The following CPLX1 variants were observed in gnomAD, a reference collection of about 807,000 sequenced individuals.
CPLX1 encodes complexin 1, also known as complexin-1.
In CPLX1, 6 loss-of-function variants were observed where a neutral mutation model predicts 15.6. The observed-to-expected ratio is 0.39, with a 90% CI of 0.21 to 0.76. CPLX1 has a LOEUF of 0.76. Ranked by LOEUF, CPLX1 falls within the 30% of genes least tolerant of loss-of-function variation. The pLI, the probability that CPLX1 is intolerant of heterozygous loss-of-function variation, is 0.43. For synonymous variants in CPLX1, 91 were observed against 75.2 expected (o/e 1.21, Z -1.08); for missense variants, 242 against 188.6 (o/e 1.28, Z -1.66).
intron 1 of CPLX1, 30 bp from the exon 2 acceptor site, chr4:824,631 C>A: frequency 5.8e-6 from 7 of 1,214,232 alleles, no homozygotes; most frequent in Non-Finnish European, 8.5e-6. Flanking sequence ...TCACAGGTCA[C>A]CCTAAGCAGG....
At chr4:820,238 A>G (rs1576998719) in intron 2 of CPLX1, among the ~76,000 whole-genome samples, 1 of 141,668 alleles carries the variant, frequency 7.1e-6, no homozygotes. Context: ...GTCCTCCCGG[A>G]CCCAGCTCAG....
At position 818,222 on chromosome 4, in the gene CPLX1, G is replaced by A. The variant is rs140513621; in HGVS notation, c.31+6270C>T. ...CCAGCCCTTGGGGAGGGGAGGCACC[G>A]AGGCGCTGGAGAGGTGTTGCAGCAC... On this transcript the variant is annotated intron_variant, in intron 2 of 3. Coordinates refer to ENST00000304062, the MANE Select transcript of CPLX1 (RefSeq NM_006651.4). 7.1e-3 allele frequency among the ~76,000 whole-genome samples: 1,089 copies of A among 152,350 alleles called. 4 individuals are homozygous for A. The highest frequency in any genetic ancestry group is 0.012 in the Non-Finnish European group (794 of 68,020).
intron 2 of CPLX1, among the ~76,000 whole-genome samples, chr4:815,209 A>G (rs570897538): frequency 2.6e-5 from 4 of 152,158 alleles, no homozygotes; most frequent in African/African-American, 9.6e-5. Flanking sequence ...TCAGGAGTTC[A>G]AGACTAGCCT....
intron 1 of CPLX1, among the ~76,000 whole-genome samples, chr4:825,603 G>A (rs904800502): frequency 4.0e-5 from 6 of 151,888 alleles, no homozygotes; most frequent in Non-Finnish European, 7.4e-5. Flanking sequence ...GCCAGGAGAG[G>A]AAAGAAAGAG....
Position 786,692 on chromosome 4 carries a change from T to A in CPLX1, c.214A>T (p.Ile72Phe), listed in dbSNP as rs2152640834. The A allele has an allele frequency of 6.3e-7, 1 of 1,595,170 alleles. No individual in the cohort carries two copies. Among genetic ancestry groups the A allele is most frequent in the African/African-American group, 1.4e-5 (1 of 73,626 alleles). The change falls in exon 4 of 4, where the codon ATC becomes TTC. Residue 72 changes from isoleucine to phenylalanine, a missense_variant. Physicochemically the swap from Ile to Phe is conservative, Grantham distance 21. Transcript: ENST00000304062. ...VRQGIRDKYG[I>F]KKKEEREAEA... ...GCCTCGCGCTCCTCCTTCTTCTTGA[T>A]GCCGTACTGCGGGGGAGGCGGGGGT... is the stretch of plus-strand genomic sequence containing the variant.
chr4:810,051 T>C (rs911069740), intron 2 of CPLX1, among the ~76,000 whole-genome samples: 1 of 146,286 alleles, frequency 6.8e-6, no homozygotes, highest in South Asian at 2.2e-4. Context: ...CACTTTCTTT[T>C]TTTTTTTTTT....
At chr4:804,518 G>A (rs906966002) in intron 2 of CPLX1, among the ~76,000 whole-genome samples, 2 of 151,986 alleles carry the variant, frequency 1.3e-5, no homozygotes, top group African/African-American at 4.8e-5. Flanking sequence ...AAAAATCATG[G>A]ATTTAAATCG....
chr4:807,983 C>T (rs1746589771), intron 2 of CPLX1, among the ~76,000 whole-genome samples: 1 of 152,146 alleles, frequency 6.6e-6, no homozygotes, highest in Non-Finnish European at 1.5e-5. Flanking sequence ...ATAAAAAATC[C>T]TTGGCTGGGT....
intron 2 of CPLX1, among the ~76,000 whole-genome samples, chr4:810,345 G>A (rs935453496): frequency 6.6e-5 from 10 of 152,256 alleles, no homozygotes; most frequent in East Asian, 3.9e-4. Flanking sequence ...CACCACGCCC[G>A]GCCTTGGGTC....
intron 2 of CPLX1, among the ~76,000 whole-genome samples, chr4:812,964 TG>T (rs1030919862): frequency 1.3e-5 from 2 of 151,566 alleles, no homozygotes; most frequent in Non-Finnish European, 2.9e-5. Flanking sequence ...CCCACTAAGA[TG>T]GGAGTAAAGA....
chr4:804,636 T>C, intron 2 of CPLX1: 1 of 686,572 alleles, frequency 1.5e-6, no homozygotes. Context: ...GGATCGCACC[T>C]TCAGCTTAAA....
intron 2 of CPLX1, among the ~76,000 whole-genome samples, chr4:802,239 T>C (rs1746473212): frequency 6.6e-6 from 1 of 152,240 alleles, no homozygotes; most frequent in African/African-American, 2.4e-5. Context: ...GAATTGCTGA[T>C]ACACCAAACA....
intron 3 of CPLX1, among the ~76,000 whole-genome samples, chr4:789,948 AGGGTTCCCCTACCCCAAC>A (rs1746118935): frequency 2.7e-5 from 2 of 73,792 alleles, no homozygotes; most frequent in African/African-American, 9.4e-5. Flanking sequence ...GCCTGAAGGC[AGGGTTCCCCTACCCCAAC>A]AGGTGGCCAC....
At chr4:804,762 G>A (rs187254437) in intron 2 of CPLX1, 1 of 985,404 alleles carries the variant, frequency 1.0e-6, no homozygotes, top group Admixed American at 6.1e-5. Context: ...GCACCTTGCG[G>A]GGGCTCGGGA....
chr4:787,781 A>G (rs927086256), intron 3 of CPLX1: 17 of 985,134 alleles, frequency 1.7e-5, no homozygotes, highest in Non-Finnish European at 2.0e-5. Flanking sequence ...ACACTCCTCC[A>G]GCCCTCCCGT....
At chr4:799,860 C>G (rs551767768) in intron 2 of CPLX1, among the ~76,000 whole-genome samples, 5 of 152,232 alleles carry the variant, frequency 3.3e-5, no homozygotes, top group African/African-American at 1.2e-4. Flanking sequence ...CAGGCTCCGT[C>G]TCAAAAAATA....
intron 2 of CPLX1, among the ~76,000 whole-genome samples, chr4:810,347 C>CCTTGGGTCTGCGCTTTCATTTCT (rs1746644847): frequency 1.3e-5 from 2 of 152,222 alleles, no homozygotes; most frequent in Non-Finnish European, 2.9e-5. Flanking sequence ...CCACGCCCGG[C>CCTTGGGTCTGCGCTTTCATTTCT]CTTGGGTCTG....
intron 2 of CPLX1, among the ~76,000 whole-genome samples, chr4:822,873 CA>C (rs33967571): frequency 0.73 from 110,663 of 152,044 alleles, 40,488 homozygotes; most frequent in South Asian, 0.86. Context: ...CTCCGAGCCT[CA>C]ACGTGCTCTG....
chr4:815,159 C>A (rs28622388), intron 2 of CPLX1, among the ~76,000 whole-genome samples: 3,014 of 152,166 alleles, frequency 0.02, 87 homozygotes, highest in African/African-American at 0.062. Context: ...GCCTGTAATC[C>A]CAGCACTTTG....
Sources: gnomAD v4.1 joint callset for allele counts (sites outside exome capture counted in the v4.1 genomes callset) on GRCh38, gnomAD v4.1.1 for gene constraint, MANE v1.5 for transcripts, NCBI Gene and HGNC (gene_info 2026-07-23, HGNC 2026-07-21) for gene names.